The following TRPC1 variants were observed in gnomAD, a reference collection of about 807,000 sequenced individuals.
TRPC1 encodes the protein transient receptor potential cation channel subfamily C member 1.
Under a neutral mutation model 88.2 loss-of-function variants are expected in TRPC1, and 42 were observed. The observed-to-expected ratio is 0.48, with a 90% CI of 0.37 to 0.62. The LOEUF is 0.62. Among genes scored for constraint, TRPC1 ranks in the 20% least tolerant of loss-of-function variants. TRPC1 has a pLI of 0.00. For synonymous variants in TRPC1, 288 were observed against 331.8 expected, an observed-to-expected ratio of 0.87 and a Z score of 1.43; for missense variants, 699 against 957.3, an observed-to-expected ratio of 0.73 and a Z score of 3.56.
At chr3:142,736,286 A>T in intron 1 of TRPC1, 93 bp from the exon 2 acceptor site, 1 of 983,230 alleles carries the variant, frequency 1.0e-6, no homozygotes, top group Non-Finnish European at 1.4e-6. Context: ...TTAGGCTTTT[A>T]ATCTTTTAAT....
intron 3 of TRPC1, among the ~76,000 whole-genome samples, chr3:142,745,580 G>A (rs563703826): frequency 7.6e-4 from 115 of 152,200 alleles, no homozygotes; most frequent in African/African-American, 2.8e-3. Context: ...GGAGGTGGAG[G>A]TTGCAGTGAG....
intron 3 of TRPC1, 56 bp downstream of exon 3, chr3:142,743,642 G>T: frequency 2.7e-6 from 3 of 1,092,924 alleles, no homozygotes; most frequent in Non-Finnish European, 2.4e-6. Flanking sequence ...TAGATCTCTT[G>T]CCCCATTGCC....
intron 4 of TRPC1, among the ~76,000 whole-genome samples, chr3:142,750,673 C>T (rs184993194): frequency 6.6e-6 from 1 of 152,272 alleles, no homozygotes; most frequent in East Asian, 1.9e-4. Context: ...CCCAAATGCC[C>T]ACCAATGATA....
intron 4 of TRPC1, among the ~76,000 whole-genome samples, chr3:142,761,974 G>A (rs1399802423): frequency 6.6e-6 from 1 of 151,756 alleles, no homozygotes; most frequent in Non-Finnish European, 1.5e-5. Flanking sequence ...TCTAGCTAAG[G>A]TTTGTTGATT....
rs1009302520 is a variant in TRPC1 at position 142,806,285 on chromosome 3, A to G, written c.*50A>G. The G allele has an allele frequency of 7.2e-7, 1 of 1,387,374 alleles. No homozygotes were observed. Among genetic ancestry groups the G allele is most frequent in the African/African-American group, 1.4e-5 (1 of 69,336 alleles). 85.9% of individuals were successfully genotyped at this position (1,387,374 alleles called of 1,614,324 possible). ...TAATTTTCAATAACAGATCCAAAAG[A>G]CTATATTGCATAACTTGCAATGAAA... On this transcript the variant is annotated 3_prime_UTR_variant, in exon 13 of 13. Transcript: ENST00000476941.
intron 4 of TRPC1, among the ~76,000 whole-genome samples, chr3:142,759,518 G>A (rs1264591699): frequency 6.6e-6 from 1 of 152,016 alleles, no homozygotes; most frequent in Admixed American, 6.6e-5. Flanking sequence ...CTTTTTGATG[G>A]GGTTGATTTT....
chr3:142,728,601 G>A (rs998866931), intron 1 of TRPC1, among the ~76,000 whole-genome samples: 2 of 152,138 alleles, frequency 1.3e-5, no homozygotes, highest in Non-Finnish European at 2.9e-5. Context: ...GATTATAGGC[G>A]TGGGCCACCG....
chr3:142,752,914 C>A lies in TRPC1; in HGVS notation c.632+4454C>A, dbSNP rs147152238. ...TGTTTTTGTGAGCTCCAAGTTGAGTCAAAGTGGCTGGGTCAGAGTGGCTGG... is the reference window on the plus strand; with the variant it reads ...TGTTTTTGTGAGCTCCAAGTTGAGTAAAAGTGGCTGGGTCAGAGTGGCTGG... On this transcript the variant is annotated intron_variant, in intron 4 of 12. Transcript: ENST00000476941. Among the ~76,000 whole-genome samples, 43 of 152,142 alleles carry A rather than the reference C, an allele frequency of 2.8e-4. No homozygotes were observed. The East Asian group carries it at 7.8e-3, about 27-fold the overall frequency.
At chr3:142,729,620 G>A (rs1933816811) in intron 1 of TRPC1, among the ~76,000 whole-genome samples, 1 of 152,136 alleles carries the variant, frequency 6.6e-6, no homozygotes, top group Admixed American at 6.5e-5. Flanking sequence ...AGACTTGGAG[G>A]AAGAGTGTGA....
intron 8 of TRPC1, among the ~76,000 whole-genome samples, chr3:142,791,719 A>AATGAAT (rs1368701924): frequency 6.6e-6 from 1 of 152,110 alleles, no homozygotes. Context: ...TCCATTTCAT[A>AATGAAT]ATGAATGAAA....
chr3:142,790,748 A>G (rs1018742463), intron 7 of TRPC1, among the ~76,000 whole-genome samples: 1 of 151,988 alleles, frequency 6.6e-6, no homozygotes, highest in Middle Eastern at 3.4e-3. Flanking sequence ...GTTTGTGCCC[A>G]TGTGTGTTTG....
chr3:142,729,186 A>G (rs2108007132), intron 1 of TRPC1, among the ~76,000 whole-genome samples: 1 of 152,376 alleles, frequency 6.6e-6, no homozygotes, highest in East Asian at 1.9e-4. Context: ...TATCTCTAAC[A>G]GACTAGTAAT....
Position 142,807,294 on chromosome 3 carries a change from C to G in TRPC1, c.*1059C>G, listed in dbSNP as rs1936822948. On this transcript the variant is annotated 3_prime_UTR_variant, in exon 13 of 13. Transcript: ENST00000476941. ...AACACAGCTTCTATAAAAGTGACTT[C>G]ATGCTTACTTGTGGATCATTCTTGC... 1 of 152,126 alleles carries G rather than the reference C, an allele frequency of 6.6e-6. No homozygotes were observed. The highest frequency in any genetic ancestry group is 2.4e-5 in the African/African-American group (1 of 41,436). 9.4% of individuals were successfully genotyped at this position (152,126 alleles called of 1,614,324 possible). A position where few individuals can be genotyped will look rare whatever the true frequency, so the allele number is the denominator to read the frequency against.
At chr3:142,765,452 T>C (rs532661859) in intron 4 of TRPC1, among the ~76,000 whole-genome samples, 3 of 152,142 alleles carry the variant, frequency 2.0e-5, no homozygotes, top group South Asian at 2.1e-4. Flanking sequence ...CAAAACAACA[T>C]GGTACAACAC....
chr3:142,774,259 C>T (rs1935681023), intron 4 of TRPC1, among the ~76,000 whole-genome samples: 1 of 152,116 alleles, frequency 6.6e-6, no homozygotes, highest in South Asian at 2.1e-4. Context: ...CTGATGTTCC[C>T]CACACATATG....
At chr3:142,784,631 A>C in intron 6 of TRPC1, 73 bp from the exon 7 acceptor site, 1 of 1,178,064 alleles carries the variant, frequency 8.5e-7, no homozygotes, top group Non-Finnish European at 1.2e-6. Context: ...TAAACTTTGA[A>C]TATCAACCAA....
Position 142,768,903 on chromosome 3 carries a change from A to G in TRPC1, c.633-8729A>G, listed in dbSNP as rs1447313922. Among the ~76,000 whole-genome samples the G allele has an allele frequency of 2.6e-5, 4 of 152,286 alleles. No homozygotes were observed. The South Asian group carries it at 8.3e-4, about 32-fold the overall frequency. ...TATGTTATAAACACAATAATGCAGT[A>G]TTATAATTATTCCTTTAAATAATCT... On this transcript the variant is annotated intron_variant, in intron 4 of 12. Coordinates refer to ENST00000476941, the MANE Select transcript of TRPC1 (RefSeq NM_001251845.2).
chr3:142,760,838 G>GT (rs1262361574), intron 4 of TRPC1, among the ~76,000 whole-genome samples: 1 of 151,414 alleles, frequency 6.6e-6, no homozygotes, highest in Non-Finnish European at 1.5e-5. Context: ...GTTTTGTTTT[G>GT]TTTTTTGTAA....
rs539440165 is a variant in TRPC1 at position 142,778,663 on chromosome 3, A to G, written c.764+900A>G. ...ACTATTCCTACCTTTTCTTTCCTAT[A>G]CGGCTGCTATTAGAGCCCCATGTCT... On this transcript the variant is annotated intron_variant, in intron 5 of 12. Coordinates refer to ENST00000476941, the MANE Select transcript of TRPC1 (RefSeq NM_001251845.2). Among the ~76,000 whole-genome samples the G allele has an allele frequency of 7.2e-5, 11 of 152,016 alleles. No individual in the cohort carries two copies. In the East Asian group the frequency reaches 2.1e-3, roughly 29 times the overall value.
Sources: gnomAD v4.1 joint callset for allele counts (sites outside exome capture counted in the v4.1 genomes callset) on GRCh38, gnomAD v4.1.1 for gene constraint, MANE v1.5 for transcripts, NCBI Gene and HGNC (gene_info 2026-07-23, HGNC 2026-07-21) for gene names.